Variants in STK32B observed in about 807,000 individuals in gnomAD.
The protein encoded by STK32B is serine/threonine kinase 32B.
In STK32B, 43 loss-of-function variants were observed where a neutral mutation model predicts 52.6. The observed-to-expected ratio is 0.82, with a 90% CI of 0.64 to 1.05. STK32B has a LOEUF of 1.05. Among genes scored for constraint, STK32B ranks in the 50% least tolerant of loss-of-function variants. STK32B has a pLI of 0.00. For synonymous variants in STK32B, 238 were observed against 204.3 expected (o/e 1.17, Z -1.41); for missense variants, 621 against 534.6 (o/e 1.16, Z -1.59).
intron 2 of STK32B, among the ~76,000 whole-genome samples, chr4:5,164,066 A>G (rs888046317): frequency 4.6e-5 from 7 of 152,230 alleles, no homozygotes; most frequent in Non-Finnish European, 1.0e-4. Context: ...GTGTTTGGCC[A>G]GGTTATTTAG....
chr4:5,234,120 C>T (rs1468405410), intron 3 of STK32B, among the ~76,000 whole-genome samples: 1 of 152,088 alleles, frequency 6.6e-6, no homozygotes, highest in African/African-American at 2.4e-5. Flanking sequence ...TGACGTGGTT[C>T]ATTTACAAAT....
chr4:5,399,220 C>T lies in STK32B; in HGVS notation c.472+976C>T, dbSNP rs547581731. Reference sequence around the variant, plus strand: ...TGGGGTTGGCTGGAGGGAGCAGGTGCGAATTCTTCTGAAGTAGGGATTCTC... The same window carrying T: ...TGGGGTTGGCTGGAGGGAGCAGGTGTGAATTCTTCTGAAGTAGGGATTCTC... On this transcript the variant is annotated intron_variant, in intron 5 of 11. Coordinates refer to ENST00000282908, the MANE Select transcript of STK32B (RefSeq NM_018401.3). The surrounding 1 kb of genome is among the most constrained non-coding windows in gnomAD (Gnocchi z 5.4). Among the ~76,000 whole-genome samples, 19 of 152,244 alleles carry T rather than the reference C, an allele frequency of 1.2e-4. No individual in the cohort carries two copies. Among genetic ancestry groups the T allele is most frequent in the East Asian group, 5.8e-4 (3 of 5,182 alleles).
At chr4:5,258,332 CAT>C (rs1432273510) in intron 3 of STK32B, among the ~76,000 whole-genome samples, 1 of 152,132 alleles carries the variant, frequency 6.6e-6, no homozygotes, top group African/African-American at 2.4e-5. Context: ...TTTTGTGCCT[CAT>C]AGGTTTGGAG....
intron 4 of STK32B, among the ~76,000 whole-genome samples, chr4:5,362,097 A>C (rs1314653132): frequency 6.6e-6 from 1 of 152,194 alleles, no homozygotes; most frequent in Admixed American, 6.5e-5. Flanking sequence ...GAGAGACTTC[A>C]TCATCATCAA....
intron 4 of STK32B, among the ~76,000 whole-genome samples, chr4:5,336,312 A>C (rs920257258): frequency 6.6e-6 from 1 of 151,938 alleles, no homozygotes; most frequent in Non-Finnish European, 1.5e-5. Context: ...AGGACACCTT[A>C]AAGTGTAGGT....
At chr4:5,082,868 A>G (rs1712515002) in intron 1 of STK32B, among the ~76,000 whole-genome samples, 1 of 152,214 alleles carries the variant, frequency 6.6e-6, no homozygotes, top group African/African-American at 2.4e-5. Flanking sequence ...CTATGCATAG[A>G]TATTTTGAAA....
intron 7 of STK32B, 146 bp downstream of exon 7, chr4:5,446,922 G>T (rs1715506640): frequency 1.5e-6 from 1 of 682,112 alleles, no homozygotes; most frequent in South Asian, 1.8e-5. Context: ...CCTGATGCCT[G>T]TGTGCCGCCT....
chr4:5,321,173 A>G (rs1731463255), intron 3 of STK32B, among the ~76,000 whole-genome samples: 1 of 152,188 alleles, frequency 6.6e-6, no homozygotes, highest in South Asian at 2.1e-4. Context: ...CACCTCTAAA[A>G]TAGCCATAAT....
intron 2 of STK32B, among the ~76,000 whole-genome samples, chr4:5,165,936 C>T (rs1228679558): frequency 6.6e-6 from 1 of 152,178 alleles, no homozygotes; most frequent in Non-Finnish European, 1.5e-5. Context: ...CTGGCACTCC[C>T]ACTTCCTGCT....
intron 6 of STK32B, among the ~76,000 whole-genome samples, chr4:5,419,349 T>G (rs1712433017): frequency 6.6e-6 from 1 of 152,176 alleles, no homozygotes; most frequent in Non-Finnish European, 1.5e-5. Flanking sequence ...AGGGTCTCTG[T>G]CCTGAGGCAG....
Position 5,063,430 on chromosome 4 carries a change from C to T in STK32B, c.52+11515C>T, listed in dbSNP as rs1577043299. On this transcript the variant is annotated intron_variant, in intron 1 of 11. Transcript: ENST00000282908. ...CGATCTTGGCTCACTGCAACCTCCA[C>T]CTCCCAGGCTCTAGTGATTCTTCTG... Among the ~76,000 whole-genome samples, 3 of 152,262 alleles carry T rather than the reference C, an allele frequency of 2.0e-5. 1 individual carries two copies. The South Asian group carries it at 6.2e-4, about 32-fold the overall frequency.
At chr4:5,226,311 G>A (rs1396059713) in intron 3 of STK32B, among the ~76,000 whole-genome samples, 1 of 152,112 alleles carries the variant, frequency 6.6e-6, no homozygotes, top group Non-Finnish European at 1.5e-5. Flanking sequence ...TGCAGTCATT[G>A]TATAATCCTT....
intron 1 of STK32B, among the ~76,000 whole-genome samples, chr4:5,090,223 C>T (rs1712994301): frequency 6.6e-6 from 1 of 152,028 alleles, no homozygotes; most frequent in Admixed American, 6.6e-5. Flanking sequence ...AATTAGATCC[C>T]ATTTGTCAAT....
At chr4:5,443,433 G>A (rs61645668) in intron 6 of STK32B, among the ~76,000 whole-genome samples, 9 of 151,418 alleles carry the variant, frequency 5.9e-5, no homozygotes, top group East Asian at 3.9e-4. Context: ...CGTAGTTCTC[G>A]AGCCTTGGTT....
intron 1 of STK32B, among the ~76,000 whole-genome samples, chr4:5,130,635 G>A (rs1210521078): frequency 6.6e-6 from 1 of 152,072 alleles, no homozygotes; most frequent in African/African-American, 2.4e-5. Context: ...GAAGTCCCTG[G>A]GAGGCCAAAT....
At chr4:5,282,172 A>G (rs866739329) in intron 3 of STK32B, among the ~76,000 whole-genome samples, 44 of 152,168 alleles carry the variant, frequency 2.9e-4, no homozygotes, top group Admixed American at 1.7e-3. Flanking sequence ...ATGCATTCCA[A>G]AACCCCTAGC....
chr4:5,131,241 C>T (rs1263110131), intron 1 of STK32B, among the ~76,000 whole-genome samples: 1 of 152,212 alleles, frequency 6.6e-6, no homozygotes, highest in Non-Finnish European at 1.5e-5. Context: ...GCTCTGCCTC[C>T]CCCTTTTCCA....
Position 5,121,095 on chromosome 4 carries a change from A to G in STK32B, c.53-18810A>G, listed in dbSNP as rs139512796. Among the ~76,000 whole-genome samples the G allele has an allele frequency of 6.7e-3, 1,023 of 151,778 alleles. 18 individuals are homozygous for G. Among genetic ancestry groups the G allele is most frequent in the African/African-American group, 0.024 (979 of 41,376 alleles). ...AGTCTTTTATCCCTCCCCACTTCCA[A>G]CCTCCTCAAAGTCCATTATATCACT... On this transcript the variant is annotated intron_variant, in intron 1 of 11. Transcript: ENST00000282908.
chr4:5,093,775 T>C (rs1009129950), intron 1 of STK32B, among the ~76,000 whole-genome samples: 2 of 152,214 alleles, frequency 1.3e-5, no homozygotes, highest in African/African-American at 4.8e-5. Flanking sequence ...CCTCTAAATG[T>C]GTATCACCTG....
Sources: gnomAD v4.1 joint callset for allele counts (sites outside exome capture counted in the v4.1 genomes callset) on GRCh38, gnomAD v4.1.1 for gene constraint, Gnocchi (gnomAD v3.1) non-coding constraint, MANE v1.5 for transcripts, NCBI Gene and HGNC (gene_info 2026-07-23, HGNC 2026-07-21) for gene names.